The following WDPCP variants were observed in gnomAD, a reference collection of about 807,000 sequenced individuals.
WDPCP encodes WD repeat containing planar cell polarity effector.
A neutral mutation model predicts 93.1 loss-of-function variants in WDPCP; 71 were observed. The observed-to-expected ratio is 0.76, with a 90% CI of 0.63 to 0.93. The LOEUF is 0.93. WDPCP is among the 40% of genes least tolerant of loss of function. The pLI is 0.00. For missense variants in WDPCP, 844 were observed against 887.4 expected, an observed-to-expected ratio of 0.95 and a Z score of 0.62; for synonymous variants, 315 against 315.0, an observed-to-expected ratio of 1.00 and a Z score of 0.00.
chr2:63,132,827 G>A (rs948165224), intron 17 of WDPCP, among the ~76,000 whole-genome samples: 3 of 151,940 alleles, frequency 2.0e-5, no homozygotes, highest in African/African-American at 7.3e-5. Context: ...TCTTTTTCTA[G>A]TAAGTCTGAT....
chr2:63,752,486 G>A (rs533245997), intron 2 of WDPCP: 8 of 771,428 alleles, frequency 1.0e-5, no homozygotes, highest in Admixed American at 8.7e-5. Context: ...GGAGCGCTTG[G>A]TGTTGGGATC....
At chr2:63,544,681 C>T (rs1705003622) in intron 1 of WDPCP, among the ~76,000 whole-genome samples, 1 of 152,048 alleles carries the variant, frequency 6.6e-6, no homozygotes, top group Non-Finnish European at 1.5e-5. Flanking sequence ...AGAGTAGGCT[C>T]TTTTGCCTGT....
intron 2 of WDPCP, among the ~76,000 whole-genome samples, chr2:63,666,304 A>G (rs1194051514): frequency 6.6e-6 from 1 of 152,138 alleles, no homozygotes; most frequent in Non-Finnish European, 1.5e-5. Context: ...ATAGTTTTTG[A>G]GCTCTACTGC....
intron 2 of WDPCP, among the ~76,000 whole-genome samples, chr2:63,716,877 T>A (rs527360489): frequency 1.3e-5 from 2 of 152,374 alleles, no homozygotes; most frequent in African/African-American, 4.8e-5. Context: ...TACTTACTAC[T>A]ACACAGCCAA....
At position 63,516,878 on chromosome 2, in the gene WDPCP, G is replaced by C. The variant is rs551123959; in HGVS notation, c.76-23938C>G. On this transcript the variant is annotated intron_variant, in intron 1 of 17. Transcript: ENST00000272321. Reference sequence around the variant, plus strand: ...ACTCTTTTTCCTTTCCCAGCAACATGGTGGCTACATAAAATTGCTTACTCT... The same window carrying C: ...ACTCTTTTTCCTTTCCCAGCAACATCGTGGCTACATAAAATTGCTTACTCT... Among the ~76,000 whole-genome samples, 4 of 152,086 alleles carry C rather than the reference G, an allele frequency of 2.6e-5. No homozygotes were observed. In the South Asian group the frequency reaches 8.3e-4, roughly 32 times the overall value.
At chr2:63,620,960 AC>A (rs1176161517) in intron 3 of WDPCP, among the ~76,000 whole-genome samples, 1 of 152,176 alleles carries the variant, frequency 6.6e-6, no homozygotes, top group Non-Finnish European at 1.5e-5. Flanking sequence ...CAAACAGAAA[AC>A]AATAGCATCA....
the WDPCP span, among the ~76,000 whole-genome samples, chr2:63,839,279 G>A: frequency 2.0e-5 from 3 of 152,174 alleles, no homozygotes; most frequent in South Asian, 2.1e-4. Context: ...TTAAAAACTC[G>A]CCAGGCGCGG....
intron 14 of WDPCP, among the ~76,000 whole-genome samples, chr2:63,181,119 T>C (rs4671462): frequency 0.31 from 47,303 of 151,998 alleles, 9,053 homozygotes; most frequent in Non-Finnish European, 0.42. Context: ...GTTGTATGCA[T>C]AGTTTGTAAA....
chr2:63,182,105 T>C (rs755849635), intron 14 of WDPCP, among the ~76,000 whole-genome samples: 4 of 152,098 alleles, frequency 2.6e-5, no homozygotes, highest in South Asian at 2.1e-4. Flanking sequence ...CAGAGATAAG[T>C]TGACTTCATC....
intron 13 of WDPCP, among the ~76,000 whole-genome samples, chr2:63,300,018 G>T (rs978733352): frequency 1.1e-4 from 17 of 152,116 alleles, no homozygotes; most frequent in South Asian, 1.0e-3. Context: ...AAAGCCCTGG[G>T]ACAACTAGCC....
chr2:63,353,846 G>A (rs1440754255), intron 12 of WDPCP, among the ~76,000 whole-genome samples: 1 of 152,128 alleles, frequency 6.6e-6, no homozygotes, highest in Non-Finnish European at 1.5e-5. Flanking sequence ...AGGGACGGGA[G>A]CAGGCCCCCA....
At chr2:63,428,902 T>C (rs138442800) in intron 9 of WDPCP, among the ~76,000 whole-genome samples, 311 of 152,104 alleles carry the variant, frequency 2.0e-3, no homozygotes, top group Middle Eastern at 3.4e-3. Flanking sequence ...ACAACACAAA[T>C]AAATGGAAAA....
intron 2 of WDPCP, among the ~76,000 whole-genome samples, chr2:63,739,725 A>G (rs1669687506): frequency 6.6e-6 from 1 of 151,874 alleles, no homozygotes. Context: ...TTTCTTGACA[A>G]CCTTGCCAGT....
chr2:63,321,435 C>T (rs1687081835), intron 12 of WDPCP, among the ~76,000 whole-genome samples: 1 of 150,300 alleles, frequency 6.7e-6, no homozygotes, highest in Non-Finnish European at 1.5e-5. Context: ...TATCCACCCA[C>T]ATGAGAGCTC....
chr2:63,299,325 G>A (rs769562789), intron 13 of WDPCP, among the ~76,000 whole-genome samples: 47 of 152,196 alleles, frequency 3.1e-4, no homozygotes, highest in Non-Finnish European at 4.7e-4. Context: ...TCAGTGGATG[G>A]CTGAGTGGCC....
intron 17 of WDPCP, among the ~76,000 whole-genome samples, chr2:63,142,218 A>G (rs1383321543): frequency 1.3e-5 from 2 of 152,142 alleles, no homozygotes; most frequent in African/African-American, 4.8e-5. Context: ...TCCTTGAGGT[A>G]TGACCTTAGA....
At chr2:63,243,097 C>T (rs1679987778) in intron 14 of WDPCP, among the ~76,000 whole-genome samples, 1 of 152,178 alleles carries the variant, frequency 6.6e-6, no homozygotes, top group South Asian at 2.1e-4. Context: ...CACTTCATAA[C>T]TGTATTGTAC....
intron 14 of WDPCP, chr2:63,229,870 T>G (rs1007295604): frequency 1.7e-4 from 21 of 124,542 alleles, no homozygotes; most frequent in African/African-American, 6.1e-4. Flanking sequence ...GGTAGCATGA[T>G]GCCTTGTTCT....
At chr2:63,338,191 G>T (rs75574476) in intron 12 of WDPCP, among the ~76,000 whole-genome samples, 1 of 151,818 alleles carries the variant, frequency 6.6e-6, no homozygotes, top group Admixed American at 6.6e-5. Flanking sequence ...TGAGAGATGG[G>T]GTCTACCTTC....
Sources: allele counts gnomAD v4.1 joint callset (sites outside exome capture counted in the v4.1 genomes callset), GRCh38; gene constraint gnomAD v4.1.1; transcripts MANE v1.5; gene names NCBI Gene and HGNC (gene_info 2026-07-23, HGNC 2026-07-21).